XKR9: variants seen among roughly 807,000 people sequenced by gnomAD.
XKR9 encodes XK related 9.
A neutral mutation model predicts 32.0 loss-of-function variants in XKR9; 32 were observed. The ratio of observed to expected loss-of-function variants is 1.00; its 90% CI spans 0.76 to 1.34. The LOEUF (loss-of-function observed/expected upper bound fraction) is 1.34. Among genes scored for constraint, XKR9 ranks in the 40% most tolerant of loss-of-function variants. The probability of loss-of-function intolerance (pLI) is 0.00; values close to 1 mark genes in which losing one functional copy is unlikely to be tolerated. For synonymous variants in XKR9, 168 were observed against 143.4 expected, an observed-to-expected ratio of 1.17 and a Z score of -1.22; for missense variants, 546 against 429.7, an observed-to-expected ratio of 1.27 and a Z score of -2.39.
intron 4 of XKR9, among the ~76,000 whole-genome samples, chr8:70,731,447 A>G (rs1401000761): frequency 6.6e-6 from 1 of 152,164 alleles, no homozygotes; most frequent in African/African-American, 2.4e-5. Flanking sequence ...CCACTTTACA[A>G]AAGCCACCTT....
the XKR9 span, among the ~76,000 whole-genome samples, chr8:71,046,996 A>C: frequency 6.6e-6 from 1 of 152,220 alleles, no homozygotes; most frequent in Non-Finnish European, 1.5e-5. Context: ...GCAAGACTGC[A>C]TGGGATTTAC....
At chr8:70,739,085 A>T (rs557760934), downstream of XKR9, among the ~76,000 whole-genome samples, 1 of 151,830 alleles carries the variant, frequency 6.6e-6, no homozygotes, top group Admixed American at 6.6e-5. Context: ...GTCTCCCATT[A>T]TTATTGTGTG....
chr8:70,731,036 G>A (rs1267764056), intron 4 of XKR9, among the ~76,000 whole-genome samples: 2 of 152,304 alleles, frequency 1.3e-5, no homozygotes, highest in South Asian at 2.1e-4. Flanking sequence ...CCACAGCAAA[G>A]TTTGTAACTG....
the XKR9 span, among the ~76,000 whole-genome samples, chr8:70,848,324 A>G: frequency 2.0e-5 from 3 of 152,112 alleles, no homozygotes; most frequent in Non-Finnish European, 4.4e-5. Flanking sequence ...TCAAAATATG[A>G]CAGACACATA....
chr8:70,687,335 T>TTTCTTTCTTTCTTTCTTTCG, intron 3 of XKR9, among the ~76,000 whole-genome samples: 1 of 149,498 alleles, frequency 6.7e-6, no homozygotes, highest in East Asian at 2.0e-4. Context: ...TCTTTCTTTC[T>TTTCTTTCTTTCTTTCTTTCG]TTCTTTCTTT....
At chr8:70,832,409 A>C in the XKR9 span, among the ~76,000 whole-genome samples, 1 of 152,234 alleles carries the variant, frequency 6.6e-6, no homozygotes, top group Non-Finnish European at 1.5e-5. Context: ...AGTGGAAAAA[A>C]TATTTGTAGA....
Position 70,776,947 on chromosome 8 carries a change from C to CTCTCTCTATATATATATA in XKR9, n.353-12391_353-12390insCTCTCTATATATATATAT. On this transcript the variant is annotated intron_variant and non_coding_transcript_variant, in intron 2 of 3. Coordinates refer to the XKR9 transcript ENST00000520273. ...TTTCTCTCTCTCTCTCTCTCTCTCT[C>CTCTCTCTATATATATATA]TATATATATATATATATGTATGTAT... 4.3e-3 allele frequency among the ~76,000 whole-genome samples: 232 copies of CTCTCTCTATATATATATA among 54,192 alleles called. 4 individuals carry two copies. The highest frequency in any genetic ancestry group is 0.011 in the Admixed American group (45 of 4,050). 35.6% of individuals were successfully genotyped at this position (54,192 alleles called of 152,430 possible).
the XKR9 span, among the ~76,000 whole-genome samples, chr8:70,905,585 A>G: frequency 1.3e-5 from 2 of 151,822 alleles, no homozygotes; most frequent in Admixed American, 6.6e-5. Context: ...TATTTCAGAG[A>G]TGTTTGTTAT....
the XKR9 span, among the ~76,000 whole-genome samples, chr8:70,860,947 A>C: frequency 6.6e-6 from 1 of 152,090 alleles, no homozygotes; most frequent in Non-Finnish European, 1.5e-5. Context: ...ACAGCACTAA[A>C]AGATGTTAGC....
chr8:70,777,855 C>T (rs1424462783), intron 2 of XKR9, among the ~76,000 whole-genome samples: 2 of 151,840 alleles, frequency 1.3e-5, no homozygotes, highest in African/African-American at 4.8e-5. Flanking sequence ...GGATAATAGC[C>T]CTTTGTCAGA....
chr8:71,014,881 C>T, the XKR9 span, among the ~76,000 whole-genome samples: 1 of 152,206 alleles, frequency 6.6e-6, no homozygotes, highest in South Asian at 2.1e-4. Context: ...CATTTAAAAA[C>T]CCTGTGTTTG....
At chr8:70,779,045 T>C (rs1807575832) in intron 2 of XKR9, among the ~76,000 whole-genome samples, 2 of 152,308 alleles carry the variant, frequency 1.3e-5, no homozygotes, top group South Asian at 4.1e-4. Context: ...AAGGGAATGT[T>C]TCCCGTTTTT....
chr8:70,976,030 T>A, the XKR9 span, among the ~76,000 whole-genome samples: 112 of 152,352 alleles, frequency 7.4e-4, no homozygotes, highest in African/African-American at 2.5e-3. Flanking sequence ...CACTCATGAT[T>A]TGGCTCTCTG....
the XKR9 span, among the ~76,000 whole-genome samples, chr8:70,961,611 C>A: frequency 6.6e-6 from 1 of 152,212 alleles, no homozygotes; most frequent in South Asian, 2.1e-4. Context: ...TATCTATATA[C>A]ATTTCTTTAA....
chr8:70,829,098 T>G, the XKR9 span, among the ~76,000 whole-genome samples: 1,170 of 152,336 alleles, frequency 7.7e-3, 7 homozygotes, highest in Non-Finnish European at 0.012. Flanking sequence ...TATAGGCTTT[T>G]GTTGCAGTTT....
the XKR9 span, among the ~76,000 whole-genome samples, chr8:70,889,611 A>G: frequency 1.3e-5 from 2 of 151,738 alleles, no homozygotes; most frequent in African/African-American, 4.8e-5. Context: ...GTCCATGAGT[A>G]CCTGATATTT....
chr8:70,864,852 C>A, the XKR9 span, among the ~76,000 whole-genome samples: 1 of 152,118 alleles, frequency 6.6e-6, no homozygotes, highest in Non-Finnish European at 1.5e-5. Context: ...CCAGAATAAC[C>A]TTTTCAGATC....
At chr8:70,756,246 T>C (rs374583651) in intron 2 of XKR9, among the ~76,000 whole-genome samples, 4 of 152,376 alleles carry the variant, frequency 2.6e-5, no homozygotes, top group African/African-American at 9.6e-5. Flanking sequence ...CTTTTGTCAG[T>C]ACTACACTGT....
chr8:70,756,081 G>C (rs908731485), intron 2 of XKR9, among the ~76,000 whole-genome samples: 5 of 151,994 alleles, frequency 3.3e-5, no homozygotes, highest in African/African-American at 1.2e-4. Flanking sequence ...TTATTCCTTT[G>C]CCTATGGCTA....
Sources: allele counts gnomAD v4.1 joint callset (sites outside exome capture counted in the v4.1 genomes callset), GRCh38; gene constraint gnomAD v4.1.1; transcripts MANE v1.5; gene names NCBI Gene and HGNC (gene_info 2026-07-23, HGNC 2026-07-21).